Variants in SMC3 observed in about 807,000 individuals in gnomAD.
SMC3 encodes structural maintenance of chromosomes protein 3.
In SMC3, 20 loss-of-function variants were observed where a neutral mutation model predicts 171.8. The ratio of observed to expected loss-of-function variants is 0.12; its 90% CI spans 0.08 to 0.17. The LOEUF is 0.17. SMC3 is among the 10% of genes least tolerant of loss of function. The pLI is 1.00. For synonymous variants in SMC3, 464 were observed against 451.1 expected (o/e 1.03, Z -0.36); for missense variants, 543 against 1,420.4 (o/e 0.38, Z 9.93).
chr10:110,577,317 C>T, intron 4 of SMC3, 104 bp from the exon 5 acceptor site: 1 of 828,516 alleles, frequency 1.2e-6, no homozygotes, highest in Non-Finnish European at 2.1e-6. Context: ...AGAAATTTTT[C>T]TCCATTGAAT....
At chr10:110,601,441 G>T (rs1861385703) in intron 23 of SMC3, among the ~76,000 whole-genome samples, 196 bp from the exon 24 acceptor site, 2 of 152,146 alleles carry the variant, frequency 1.3e-5, no homozygotes, top group Admixed American at 6.5e-5. Flanking sequence ...ATTGAATAAT[G>T]AAAATTATAT....
chr10:110,596,653 G>A (rs1861305434), intron 19 of SMC3, 103 bp downstream of exon 19: 2 of 1,093,814 alleles, frequency 1.8e-6, no homozygotes, highest in Non-Finnish European at 1.3e-6. Context: ...AAAATTTCTT[G>A]TGTTTTAAGT....
At chr10:110,572,082 C>G (rs1860880876) in intron 2 of SMC3, among the ~76,000 whole-genome samples, 1 of 151,992 alleles carries the variant, frequency 6.6e-6, no homozygotes. Flanking sequence ...AAAAATTTCC[C>G]CAATAAGAAC....
chr10:110,568,443 A>G (rs1860816386), intron 1 of SMC3: 1 of 171,300 alleles, frequency 5.8e-6, no homozygotes, highest in East Asian at 1.7e-4. Context: ...ACTCCACCAC[A>G]AAGATGAGCC....
At chr10:110,568,881 G>C in intron 1 of SMC3, 57 bp from the exon 2 acceptor site, 1 of 997,758 alleles carries the variant, frequency 1.0e-6, no homozygotes, top group African/African-American at 1.7e-5. Flanking sequence ...AAATGCAAGA[G>C]AAAAATGTTA....
At chr10:110,591,608 A>G (rs1306032258) in intron 17 of SMC3, among the ~76,000 whole-genome samples, 1 of 152,212 alleles carries the variant, frequency 6.6e-6, no homozygotes, top group African/African-American at 2.4e-5. Context: ...CTTCGGAAGC[A>G]TAACATTGCT....
Position 110,568,201 on chromosome 10 carries a change from C to T in SMC3, c.15+370C>T, listed in dbSNP as rs975973867. On this transcript the variant is annotated intron_variant, in intron 1 of 28. Coordinates refer to ENST00000361804, the MANE Select transcript of SMC3 (RefSeq NM_005445.4). ...CCGCGGGCGGGAAGGGCTGTGTGGT[C>T]CTGCAGGGGTGGCCTCACACGGCCC... 1.9e-5 allele frequency: 7 copies of T among 364,628 alleles called. No homozygotes were observed. The South Asian group carries it at 2.4e-4, about 12-fold the overall frequency. The allele number at this position is 364,628 out of a possible 1,614,324, so 22.6% of individuals were successfully genotyped here.
At chr10:110,601,242 C>T (rs1554884092) in intron 23 of SMC3, 112 bp downstream of exon 23, 2 of 821,016 alleles carry the variant, frequency 2.4e-6, no homozygotes, top group East Asian at 2.5e-5. Context: ...TTTTGTTTTC[C>T]ATTATAAACA....
In SMC3 at chr10:110,604,330, A is replaced by C. The variant is rs1205808102; in HGVS notation, c.*28A>C. 49 of 1,454,282 alleles carry C rather than the reference A, an allele frequency of 3.4e-5. No homozygotes were observed. The highest frequency in any genetic ancestry group is 4.5e-5 in the Non-Finnish European group (47 of 1,036,470). 90.1% of individuals were successfully genotyped at this position (1,454,282 alleles called of 1,614,324 possible). ...GGAAAATACTACCTACTGGTTTGGG[A>C]GATGTATATAGTAATATGATTCTCA... On this transcript the variant is annotated 3_prime_UTR_variant, in exon 29 of 29. Transcript: ENST00000361804.
chr10:110,584,623 G>T (rs944739920), intron 13 of SMC3, among the ~76,000 whole-genome samples: 7 of 152,090 alleles, frequency 4.6e-5, no homozygotes, highest in African/African-American at 7.2e-5. Context: ...TAAAATGTAT[G>T]TATGTATTTT....
chr10:110,599,286 C>T (rs986841219), intron 20 of SMC3, among the ~76,000 whole-genome samples: 7 of 152,204 alleles, frequency 4.6e-5, no homozygotes, highest in South Asian at 4.1e-4. Context: ...TCAGTATAGA[C>T]GGGTTTCACC....
chr10:110,586,577 C>T (rs1163041058), intron 13 of SMC3, among the ~76,000 whole-genome samples: 2 of 152,194 alleles, frequency 1.3e-5, no homozygotes, highest in African/African-American at 4.8e-5. Context: ...ATTCCAGCCA[C>T]ACTTTTGGTT....
intron 18 of SMC3, among the ~76,000 whole-genome samples, chr10:110,594,072 T>G (rs1430584329): frequency 7.2e-6 from 1 of 139,530 alleles, no homozygotes; most frequent in Non-Finnish European, 1.5e-5. Context: ...ACAGGGTTCG[T>G]ACTTGATATT....
chr10:110,588,121 A>G (rs1861152584), intron 13 of SMC3, among the ~76,000 whole-genome samples: 1 of 152,118 alleles, frequency 6.6e-6, no homozygotes, highest in East Asian at 1.9e-4. Flanking sequence ...CTCCCCCAGT[A>G]GCTGGGACTA....
chr10:110,567,952 C>T lies in SMC3; in HGVS notation c.15+121C>T, dbSNP rs1397644471. Reference sequence around the variant, plus strand: ...CTCCACAGGCTGGACCAGGGCTGGGCGGGGACTGTGGGGGAGGAGGGAGAC... The same window carrying T: ...CTCCACAGGCTGGACCAGGGCTGGGTGGGGACTGTGGGGGAGGAGGGAGAC... On this transcript the variant is annotated intron_variant, in intron 1 of 28. Transcript: ENST00000361804. 23 of 1,272,080 alleles carry T rather than the reference C, an allele frequency of 1.8e-5. 1 individual carries two copies. The highest frequency in any genetic ancestry group is 1.6e-4 in the Admixed American group (8 of 50,322). The allele number at this position is 1,272,080 out of a possible 1,614,324, so 78.8% of individuals were successfully genotyped here.
At position 110,568,225 on chromosome 10, in the gene SMC3, C is replaced by T. The variant is rs987636608; in HGVS notation, c.15+394C>T. 1.4e-5 allele frequency: 4 copies of T among 291,756 alleles called. No individual in the cohort carries two copies. The South Asian group carries it at 1.4e-4, about 10-fold the overall frequency. The allele number at this position is 291,756 out of a possible 1,614,324, so 18.1% of individuals were successfully genotyped here. ...TCCTGCAGGGGTGGCCTCACACGGCCCATGTGCCTGGGATGTGTGGAAAGG... is the reference window on the plus strand; with the variant it reads ...TCCTGCAGGGGTGGCCTCACACGGCTCATGTGCCTGGGATGTGTGGAAAGG... On this transcript the variant is annotated intron_variant, in intron 1 of 28. Transcript: ENST00000361804.
intron 20 of SMC3, among the ~76,000 whole-genome samples, chr10:110,599,354 CA>C (rs1702526220): frequency 6.6e-6 from 1 of 152,200 alleles, no homozygotes; most frequent in African/African-American, 2.4e-5. Flanking sequence ...CTTGGCCTCC[CA>C]AAGTGCTGGG....
In SMC3 at chr10:110,590,454, C is replaced by G; in HGVS notation, c.1552C>G (p.His518Asp). 1.2e-6 allele frequency: 2 copies of G among 1,613,976 alleles called. No individual in the cohort carries two copies. Among genetic ancestry groups the G allele is most frequent in the Non-Finnish European group, 1.7e-6 (2 of 1,179,884 alleles). The change falls in exon 16 of 29, where the codon CAC becomes GAC. Residue 518 changes from histidine to aspartate, a missense_variant. Physicochemically the swap from His to Asp is moderately conservative, Grantham distance 81. Around this residue, in one of 8 missense-constraint regions of SMC3, gnomAD observed 218 missense variants for 509.6 expected, o/e 0.43. Transcript: ENST00000361804. Reference protein sequence around the residue: ...GIDSINKVLDHFRRKGINQHV... With the variant: ...GIDSINKVLDDFRRKGINQHV... Reference sequence around the variant, plus strand: ...AGACAGCATAAACAAAGTGCTAGACCACTTCCGTCGAAAAGGAATAAACCA... The same window carrying G: ...AGACAGCATAAACAAAGTGCTAGACGACTTCCGTCGAAAAGGAATAAACCA...
At chr10:110,601,362 A>G (rs183751467) in intron 23 of SMC3, among the ~76,000 whole-genome samples, 18 of 152,358 alleles carry the variant, frequency 1.2e-4, no homozygotes, top group African/African-American at 4.3e-4. Flanking sequence ...TTGATAAAAT[A>G]TGAAATACCT....
Sources: allele counts gnomAD v4.1 joint callset (sites outside exome capture counted in the v4.1 genomes callset), GRCh38; gene constraint gnomAD v4.1.1; regional missense constraint gnomAD v4.1.1; transcripts MANE v1.5; gene names NCBI Gene and HGNC (gene_info 2026-07-23, HGNC 2026-07-21).